TMC7: variants seen among roughly 807,000 people sequenced by gnomAD.
The protein encoded by TMC7 is transmembrane channel-like protein 7.
A neutral mutation model predicts 82.9 loss-of-function variants in TMC7; 54 were observed. That is an observed-to-expected ratio of 0.65 (90% CI 0.52 to 0.82). The LOEUF (loss-of-function observed/expected upper bound fraction) is 0.82, where lower values mean the gene tolerates loss of function less well. Ranked by LOEUF, TMC7 falls within the 40% of genes least tolerant of loss-of-function variation. The probability of loss-of-function intolerance (pLI) is 0.00; values close to 1 mark genes in which losing one functional copy is unlikely to be tolerated. For missense variants in TMC7, 820 were observed against 901.2 expected (o/e 0.91, Z 1.15); for synonymous variants, 350 against 337.9 (o/e 1.04, Z -0.39).
intron 9 of TMC7, among the ~76,000 whole-genome samples, chr16:19,044,370 C>T (rs760149998): frequency 6.0e-4 from 91 of 151,804 alleles, no homozygotes; most frequent in Non-Finnish European, 1.1e-3. Context: ...TTTGTAGAGA[C>T]GGCCAGGGGG....
intron 1 of TMC7, among the ~76,000 whole-genome samples, chr16:19,005,011 AGTAGTTC>A (rs2039211690): frequency 6.6e-6 from 1 of 151,818 alleles, no homozygotes; most frequent in Admixed American, 6.6e-5. Context: ...CTCTCTAAAG[AGTAGTTC>A]GGAGTATTAA....
At chr16:18,997,934 A>G (rs2039073240) in intron 1 of TMC7, among the ~76,000 whole-genome samples, 1 of 151,472 alleles carries the variant, frequency 6.6e-6, no homozygotes, top group African/African-American at 2.4e-5. Flanking sequence ...GGGTTTCACC[A>G]TGTTAGCCAG....
chr16:18,990,298 G>A (rs2038927579), intron 1 of TMC7, among the ~76,000 whole-genome samples: 3 of 152,104 alleles, frequency 2.0e-5, no homozygotes, highest in Admixed American at 2.0e-4. Context: ...GGATATATAC[G>A]TGCAAGTCAC....
intron 1 of TMC7, among the ~76,000 whole-genome samples, chr16:19,001,680 C>T (rs1412115700): frequency 6.6e-6 from 1 of 152,130 alleles, no homozygotes; most frequent in Non-Finnish European, 1.5e-5. Flanking sequence ...AAAACCTTGT[C>T]TTAAACAAAC....
rs2039294436 is a variant in TMC7 at position 19,009,273 on chromosome 16, C to T, written c.169C>T (p.His57Tyr). ...RSIARRRTTV[H>Y]SRDKQSGTLL... ...CATTGCACGTAGGAGAACGACTGTC[C>T]ATTCCCGGGACAAGCAAAGCGGAAC... is the stretch of plus-strand genomic sequence containing the variant. The change falls in exon 2 of 16, where the codon CAT becomes TAT. Residue 57 changes from histidine (H) to tyrosine (Y), a missense_variant. Around this residue, in one of 2 missense-constraint regions of TMC7, gnomAD observed 650 missense variants for 669.9 expected, o/e 0.97. Transcript: ENST00000304381. The T allele has an allele frequency of 1.2e-6, 2 of 1,614,182 alleles. No homozygotes were observed. The highest frequency in any genetic ancestry group is 1.7e-6 in the Non-Finnish European group (2 of 1,180,034).
At chr16:19,053,930 AC>A (rs1961655087) in intron 13 of TMC7, among the ~76,000 whole-genome samples, 1 of 129,694 alleles carries the variant, frequency 7.7e-6, no homozygotes, top group Non-Finnish European at 1.6e-5. Flanking sequence ...TGATCCTCCC[AC>A]CTCCACCTCT....
At chr16:19,013,731 C>T (rs1417369126) in intron 2 of TMC7, among the ~76,000 whole-genome samples, 1 of 151,928 alleles carries the variant, frequency 6.6e-6, no homozygotes, top group Non-Finnish European at 1.5e-5. Context: ...GTTGGTTAGG[C>T]TCGTCTGGAA....
At chr16:18,995,725 C>T (rs922873498) in intron 1 of TMC7, among the ~76,000 whole-genome samples, 2 of 152,174 alleles carry the variant, frequency 1.3e-5, no homozygotes, top group Admixed American at 6.5e-5. Flanking sequence ...CTCAGAAATA[C>T]GTTGCTACTT....
chr16:18,991,783 T>A (rs2142119830), intron 1 of TMC7, among the ~76,000 whole-genome samples: 1 of 152,258 alleles, frequency 6.6e-6, no homozygotes, highest in South Asian at 2.1e-4. Context: ...CCCCTTTCTG[T>A]GTCCAAGTGT....
At chr16:18,985,568 A>G (rs1336641610) in intron 1 of TMC7, among the ~76,000 whole-genome samples, 1 of 152,158 alleles carries the variant, frequency 6.6e-6, no homozygotes, top group Non-Finnish European at 1.5e-5. Flanking sequence ...CTCATTTCCC[A>G]TACAAAGAAT....
intron 11 of TMC7, 82 bp from the exon 12 acceptor site, chr16:19,046,981 T>C (rs1314740014): frequency 2.4e-5 from 30 of 1,231,478 alleles, no homozygotes; most frequent in Non-Finnish European, 3.2e-5. Context: ...GAAATATGCA[T>C]GGAAATAGTC....
intron 1 of TMC7, among the ~76,000 whole-genome samples, chr16:18,985,362 T>A (rs1040027651): frequency 1.4e-4 from 21 of 151,572 alleles, no homozygotes; most frequent in African/African-American, 4.6e-4. Context: ...AAAAAAAAAA[T>A]TTAGAAGAGA....
chr16:19,056,819 C>T, intron 14 of TMC7, 122 bp downstream of exon 14: 1 of 1,167,496 alleles, frequency 8.6e-7, no homozygotes, highest in African/African-American at 1.5e-5. Context: ...ACTGCACTTT[C>T]CCATCTCTAA....
chr16:19,000,340 G>A (rs1053284564), intron 1 of TMC7, among the ~76,000 whole-genome samples: 2 of 152,010 alleles, frequency 1.3e-5, no homozygotes, highest in African/African-American at 2.4e-5. Context: ...GGTGGTACAC[G>A]CCTGTAATCC....
intron 6 of TMC7, among the ~76,000 whole-genome samples, chr16:19,034,183 G>A (rs903277149): frequency 2.6e-5 from 4 of 152,160 alleles, no homozygotes; most frequent in African/African-American, 9.7e-5. Flanking sequence ...TCCATATAAA[G>A]GTGGCAAGAT....
At chr16:18,985,032 C>T (rs1490633280) in intron 1 of TMC7, among the ~76,000 whole-genome samples, 5 of 152,042 alleles carry the variant, frequency 3.3e-5, no homozygotes, top group South Asian at 2.1e-4. Context: ...GAGGCTGAGG[C>T]GGGTGGATCA....
rs200322310 is a variant in TMC7, at chr16:19,016,614, C to T, written c.460+16C>T. The T allele has an allele frequency of 3.7e-6, 6 of 1,611,408 alleles. No individual in the cohort carries two copies. In the African/African-American group the frequency reaches 4.0e-5, roughly 11 times the overall value. ...AGCATAGAAGGTATGCTGTCCTCACCTCTCTGCAGGCTCCTCCGCAGAAGT... is the reference window on the plus strand; with the variant it reads ...AGCATAGAAGGTATGCTGTCCTCACTTCTCTGCAGGCTCCTCCGCAGAAGT... On this transcript the variant is annotated intron_variant, in intron 3 of 15. Coordinates refer to ENST00000304381, the MANE Select transcript of TMC7 (RefSeq NM_024847.4).
In TMC7 at chr16:18,984,317, T is replaced by C. The variant is rs113286137; in HGVS notation, c.67+187T>C. The C allele has an allele frequency of 6.8e-3, 8,922 of 1,309,102 alleles. 510 individuals carry two copies. In the African/African-American group the frequency reaches 0.12, roughly 18 times the overall value. The allele number at this position is 1,309,102 out of a possible 1,614,324, so 81.1% of individuals were successfully genotyped here. ...TATTCCTGCTCCCTCCACAAACGCG[T>C]CCTCATCCAATCCAGTGGAACCCAG... On this transcript the variant is annotated intron_variant, in intron 1 of 15. Coordinates refer to ENST00000304381, the MANE Select transcript of TMC7 (RefSeq NM_024847.4).
At chr16:18,990,136 G>A (rs2038924473) in intron 1 of TMC7, among the ~76,000 whole-genome samples, 1 of 152,106 alleles carries the variant, frequency 6.6e-6, no homozygotes, top group Non-Finnish European at 1.5e-5. Flanking sequence ...TTAAGGGTTG[G>A]GGAGATTACA....
Sources: allele counts gnomAD v4.1 joint callset (sites outside exome capture counted in the v4.1 genomes callset), GRCh38; gene constraint gnomAD v4.1.1; regional missense constraint gnomAD v4.1.1; transcripts MANE v1.5; gene names NCBI Gene and HGNC (gene_info 2026-07-23, HGNC 2026-07-21).